The following MTHFSD variants were observed in gnomAD, a reference collection of about 807,000 sequenced individuals.
MTHFSD encodes the protein methenyltetrahydrofolate synthase domain-containing protein.
MTHFSD carries 37 observed loss-of-function variants against 31.1 expected under a neutral mutation model. The observed-to-expected ratio is 1.19, with a 90% CI of 0.91 to 1.56. MTHFSD has a LOEUF of 1.56. Ranked by LOEUF, MTHFSD falls within the 40% of genes most tolerant of loss-of-function variation. The probability of loss-of-function intolerance (pLI) is 0.00; values close to 1 mark genes in which losing one functional copy is unlikely to be tolerated. For missense variants in MTHFSD, 664 were observed against 510.1 expected (o/e 1.30, Z -2.91); for synonymous variants, 221 against 206.9 (o/e 1.07, Z -0.59).
In MTHFSD at chr16:86,554,675, T is replaced by A; in HGVS notation, c.93A>T (p.Arg31=). 1 of 1,614,178 alleles carries A rather than the reference T, an allele frequency of 6.2e-7. No homozygotes were observed. The highest frequency in any genetic ancestry group is 8.5e-7 in the Non-Finnish European group (1 of 1,180,024). Residue 31 remains arginine, a synonymous_variant, in exon 2 of 8, where the codon CGA becomes CGT. Transcript: ENST00000360900. ...AGTTGGGTATCCTGTGATGAACAGG[T>A]CGGGGAAAGTCAGCTAAATTTTGTG... is the stretch of plus-strand genomic sequence containing the variant. The part of the protein sequence containing the change: ...MESQNLADFP[R]PVHHRIPNFK...
chr16:86,554,999 G>C (rs1597395396), intron 1 of MTHFSD, 170 bp downstream of exon 1: 7 of 1,383,742 alleles, frequency 5.1e-6, no homozygotes, highest in South Asian at 4.5e-5. Flanking sequence ...CCGGGCGAGA[G>C]AGCCGCTGGT....
In MTHFSD at chr16:86,541,745, G is replaced by A. The variant is rs910039595; in HGVS notation, c.633C>T (p.Ile211=). The A allele has an allele frequency of 3.7e-6, 6 of 1,614,086 alleles. No individual in the cohort carries two copies. Among genetic ancestry groups the A allele is most frequent in the Admixed American group, 1.7e-5 (1 of 60,016 alleles). Residue 211 remains isoleucine (I), a synonymous_variant, in exon 7 of 8, where the codon ATC becomes ATT. Coordinates refer to ENST00000360900, the MANE Select transcript of MTHFSD (RefSeq NM_001159377.2). ...GCTTTGGGCGCTTGCAGCCTGTGGC[G>A]ATGACTCTGGTTGGAGTGAGGATGT... ...VDYILTPTRV[I]ATGCKRPKPM... is the part of the protein sequence containing the mutation.
chr16:86,546,794 C>A, intron 4 of MTHFSD, 145 bp from the exon 5 acceptor site: 1 of 695,038 alleles, frequency 1.4e-6, no homozygotes, highest in South Asian at 1.9e-5. Context: ...TGTGGCGTTT[C>A]AGGAGAAGCC....
intron 7 of MTHFSD, among the ~76,000 whole-genome samples, chr16:86,536,301 G>C (rs1201759747): frequency 1.3e-5 from 2 of 152,216 alleles, no homozygotes; most frequent in Non-Finnish European, 2.9e-5. Context: ...ATAGGGAGTA[G>C]GTATGCTCAG....
At chr16:86,549,214 G>A (rs1220222968) in intron 3 of MTHFSD, among the ~76,000 whole-genome samples, 1 of 152,370 alleles carries the variant, frequency 6.6e-6, no homozygotes, top group South Asian at 2.1e-4. Flanking sequence ...TGTTAGAAAT[G>A]AATCAGCCCC....
At chr16:86,539,162 T>A (rs1237903897) in intron 7 of MTHFSD, among the ~76,000 whole-genome samples, 1 of 151,882 alleles carries the variant, frequency 6.6e-6, no homozygotes, top group Non-Finnish European at 1.5e-5. Flanking sequence ...TTGTGGGGGG[T>A]CTCTGCAAAG....
At chr16:86,543,722 C>T (rs746736735) in intron 5 of MTHFSD, among the ~76,000 whole-genome samples, 1 of 152,196 alleles carries the variant, frequency 6.6e-6, no homozygotes, top group Admixed American at 6.5e-5. Context: ...AACTATAAGA[C>T]AGGGGTTCCC....
chr16:86,534,252 G>C (rs542577913), intron 7 of MTHFSD, among the ~76,000 whole-genome samples: 3 of 152,332 alleles, frequency 2.0e-5, no homozygotes, highest in African/African-American at 7.2e-5. Flanking sequence ...TTCACTGTGA[G>C]GAGACTAAAC....
chr16:86,535,204 C>CGG, intron 7 of MTHFSD: 21 of 865,410 alleles, frequency 2.4e-5, no homozygotes, highest in Non-Finnish European at 2.4e-5. Context: ...CTGGCATCCG[C>CGG]AGGGGCCGTT....
chr16:86,540,406 C>T (rs930433310), intron 7 of MTHFSD, among the ~76,000 whole-genome samples: 63 of 152,178 alleles, frequency 4.1e-4, no homozygotes, highest in Non-Finnish European at 1.0e-4. Context: ...CTAACGTGTC[C>T]GATGACTTCA....
chr16:86,548,447 T>C lies in MTHFSD; in HGVS notation c.351+17A>G. The stretch of plus-strand genomic sequence containing the variant: ...TACAGTTCTTTCCTAGGTGGGGACA[T>C]TGCTTCTGGTACTTACCTGAGAGGT... On this transcript the variant is annotated intron_variant, in intron 4 of 7. Transcript: ENST00000360900. 6.3e-7 allele frequency: 1 copy of C among 1,596,688 alleles called. No homozygotes were observed.
At chr16:86,552,331 A>C in intron 2 of MTHFSD, 185 bp from the exon 3 acceptor site, 1 of 1,507,470 alleles carries the variant, frequency 6.6e-7, no homozygotes, top group South Asian at 1.3e-5. Flanking sequence ...AAAGGACAGC[A>C]CGCTCTCAGG....
intron 7 of MTHFSD, chr16:86,540,807 G>T: frequency 9.9e-7 from 1 of 1,013,712 alleles, no homozygotes; most frequent in Non-Finnish European, 1.2e-6. Context: ...TACACTCTGG[G>T]TTACAAAGGC....
intron 1 of MTHFSD, 167 bp from the exon 2 acceptor site, chr16:86,554,918 G>A: frequency 1.8e-6 from 2 of 1,095,078 alleles, no homozygotes; most frequent in South Asian, 1.6e-5. Flanking sequence ...GCTCCCCCAC[G>A]TGCACGGCAG....
At chr16:86,550,592 C>A (rs9922082) in intron 3 of MTHFSD, among the ~76,000 whole-genome samples, 1 of 152,158 alleles carries the variant, frequency 6.6e-6, no homozygotes, top group African/African-American at 2.4e-5. Flanking sequence ...TCAAGTGTCA[C>A]AGAGGAGCAG....
intron 7 of MTHFSD, chr16:86,532,683 C>T (rs911319286): frequency 2.3e-5 from 9 of 398,602 alleles, no homozygotes; most frequent in East Asian, 3.7e-5. Context: ...CTCTGCCCCT[C>T]GCCCCTGGCT....
intron 5 of MTHFSD, among the ~76,000 whole-genome samples, chr16:86,545,017 G>C (rs185381123): frequency 4.8e-4 from 73 of 152,268 alleles, no homozygotes; most frequent in Non-Finnish European, 9.7e-4. Flanking sequence ...GAGAACATAT[G>C]GACACAGGGA....
At chr16:86,547,575 A>T in intron 4 of MTHFSD, 2 of 988,234 alleles carry the variant, frequency 2.0e-6, no homozygotes, top group Non-Finnish European at 2.4e-6. Context: ...CCAACTGCAA[A>T]GGAAGAGACG....
At chr16:86,554,500 G>A in intron 2 of MTHFSD, 145 bp downstream of exon 2, 1 of 676,426 alleles carries the variant, frequency 1.5e-6, no homozygotes, top group East Asian at 2.6e-5. Context: ...AGGACGCCCT[G>A]GCCAAATGGC....
Sources: allele counts gnomAD v4.1 joint callset (sites outside exome capture counted in the v4.1 genomes callset), GRCh38; gene constraint gnomAD v4.1.1; transcripts MANE v1.5; gene names NCBI Gene and HGNC (gene_info 2026-07-23, HGNC 2026-07-21).